SHANK2: variants seen among roughly 807,000 people sequenced by gnomAD.
SHANK2 encodes the protein SH3 and multiple ankyrin repeat domains 2, also known as SH3 and multiple ankyrin repeat domains protein 2.
SHANK2 carries 43 observed loss-of-function variants against 133.7 expected under a neutral mutation model. The observed-to-expected ratio is 0.32, with a 90% CI of 0.25 to 0.41. SHANK2 has a LOEUF of 0.41. Ranked by LOEUF, SHANK2 falls within the 10% of genes least tolerant of loss-of-function variation. The probability of loss-of-function intolerance (pLI) is 1.00; values close to 1 mark genes in which losing one functional copy is unlikely to be tolerated. For synonymous variants in SHANK2, 1,017 were observed against 952.8 expected (o/e 1.07, Z -1.24); for missense variants, 1,994 against 2,235.8 (o/e 0.89, Z 2.18).
At chr11:71,072,636 G>A (rs1288566525) in intron 9 of SHANK2, among the ~76,000 whole-genome samples, 4 of 152,146 alleles carry the variant, frequency 2.6e-5, no homozygotes, top group East Asian at 1.9e-4. Context: ...GGAAGCCACC[G>A]AGGGTCCCCT....
chr11:71,061,448 A>G (rs1950984977), intron 9 of SHANK2, among the ~76,000 whole-genome samples: 1 of 152,240 alleles, frequency 6.6e-6, no homozygotes. Flanking sequence ...CAGGGAGTGC[A>G]GGGTGATAAC....
intron 17 of SHANK2, among the ~76,000 whole-genome samples, chr11:70,542,288 C>T (rs974051282): frequency 2.6e-5 from 4 of 152,212 alleles, no homozygotes; most frequent in Admixed American, 1.3e-4. Flanking sequence ...AATCCAGTGA[C>T]GGGTGCCCTT....
chr11:70,627,172 G>A (rs1345392355), intron 17 of SHANK2, among the ~76,000 whole-genome samples: 5 of 152,292 alleles, frequency 3.3e-5, no homozygotes, highest in Admixed American at 6.5e-5. Context: ...CCAAAATTCC[G>A]ATTTTCCTCC....
At chr11:70,589,380 C>T (rs1004166298) in intron 17 of SHANK2, among the ~76,000 whole-genome samples, 2 of 152,196 alleles carry the variant, frequency 1.3e-5, no homozygotes, top group Non-Finnish European at 2.9e-5. Flanking sequence ...TACAGCATGG[C>T]TATTTACAGC....
intron 10 of SHANK2, among the ~76,000 whole-genome samples, chr11:70,952,986 C>T (rs910316661): frequency 2.6e-5 from 4 of 152,086 alleles, no homozygotes; most frequent in Admixed American, 2.6e-4. Context: ...AACCTCCTGG[C>T]AGCACCATCT....
At chr11:71,177,178 A>C (rs7941351) in intron 2 of SHANK2, among the ~76,000 whole-genome samples, 3 of 152,106 alleles carry the variant, frequency 2.0e-5, no homozygotes, top group African/African-American at 7.3e-5. Flanking sequence ...AAATGTTAAT[A>C]GAAATTCTTG....
chr11:70,539,535 C>T (rs572628489), intron 17 of SHANK2, among the ~76,000 whole-genome samples: 8 of 103,804 alleles, frequency 7.7e-5, no homozygotes, highest in African/African-American at 2.5e-4. Context: ...CACGCTCACT[C>T]GCCACGCTCA....
intron 14 of SHANK2, among the ~76,000 whole-genome samples, chr11:70,782,908 A>G (rs1947538446): frequency 6.6e-6 from 1 of 152,186 alleles, no homozygotes; most frequent in Admixed American, 6.5e-5. Flanking sequence ...TTACTCTTAC[A>G]GACTAAATGT....
In SHANK2 at chr11:70,867,116, T is replaced by TA. The variant is rs34341953; in HGVS notation, c.1174+29384dup. Among the ~76,000 whole-genome samples the TA allele has an allele frequency of 6.6e-3, 916 of 137,904 alleles. 10 individuals carry two copies. The highest frequency in any genetic ancestry group is 0.032 in the East Asian group (151 of 4,664). The allele number at this position is 137,904 out of a possible 152,430, so 90.5% of individuals were successfully genotyped here. On this transcript the variant is annotated intron_variant, in intron 11 of 25. Transcript: ENST00000601538. ...GGATTTGAATCCAATTCGGTGTATT[T>TA]AAAAAAAAAAAAAAAAAAGAGAGAG...
At chr11:70,879,595 A>G (rs782173839) in intron 11 of SHANK2, among the ~76,000 whole-genome samples, 2 of 152,224 alleles carry the variant, frequency 1.3e-5, no homozygotes, top group Non-Finnish European at 2.9e-5. Context: ...TTCAGCTCCA[A>G]TACCCAGGTG....
chr11:70,548,154 T>G (rs1207484459), intron 17 of SHANK2, among the ~76,000 whole-genome samples: 1 of 152,232 alleles, frequency 6.6e-6, no homozygotes, highest in African/African-American at 2.4e-5. Flanking sequence ...GTTGCCAGCA[T>G]CCGGGTGGGC....
rs868918678 is a variant in SHANK2, at chr11:70,830,323, G to A, written c.1175-9641C>T. Among the ~76,000 whole-genome samples, 1 of 152,184 alleles carries A rather than the reference G, an allele frequency of 6.6e-6. No homozygotes were observed. The highest frequency in any genetic ancestry group is 1.9e-4 in the East Asian group (1 of 5,190). On this transcript the variant is annotated intron_variant, in intron 11 of 25. Coordinates refer to ENST00000601538, the MANE Select transcript of SHANK2 (RefSeq NM_012309.5). The surrounding 1 kb of genome is among the most constrained non-coding windows in gnomAD (Gnocchi z 4.4). ...CCTGGCTGGGAGGGAAGTTCTGTGT[G>A]GACAAATGTTCCGTGTGAGTGTTTG...
At chr11:71,184,760 G>A (rs558448448) in intron 2 of SHANK2, among the ~76,000 whole-genome samples, 2 of 152,270 alleles carry the variant, frequency 1.3e-5, no homozygotes, top group South Asian at 2.1e-4. Context: ...AAGTCACGGC[G>A]GCTGATTGAA....
chr11:71,077,104 A>T (rs2135989831), intron 8 of SHANK2, among the ~76,000 whole-genome samples: 1 of 152,274 alleles, frequency 6.6e-6, no homozygotes, highest in East Asian at 1.9e-4. Flanking sequence ...AATTTCCGGG[A>T]CATAACAATG....
At chr11:70,930,776 T>A (rs1950492543) in intron 10 of SHANK2, among the ~76,000 whole-genome samples, 1 of 142,692 alleles carries the variant, frequency 7.0e-6, no homozygotes, top group South Asian at 2.4e-4. Flanking sequence ...GCTCAAGCAA[T>A]CCTCCTGCCT....
chr11:70,482,077 ATT>A (rs1219047632), intron 25 of SHANK2, among the ~76,000 whole-genome samples: 1 of 152,226 alleles, frequency 6.6e-6, no homozygotes, highest in Admixed American at 6.5e-5. Flanking sequence ...TGGTGAGGTT[ATT>A]AGATCCGAGA....
rs1565512245 is a variant in SHANK2, at chr11:70,468,466, T to A, written c.*4403A>T. 6.6e-6 allele frequency: 1 copy of A among 152,240 alleles called. No individual in the cohort carries two copies. Among genetic ancestry groups the A allele is most frequent in the East Asian group, 1.9e-4 (1 of 5,202 alleles). 9.4% of individuals were successfully genotyped at this position (152,240 alleles called of 1,614,324 possible). ...AGCTGCTGTGGTCACCCAGCCACTG[T>A]GGAATGTTCACCTACTTGCATGGGT... On this transcript the variant is annotated 3_prime_UTR_variant, in exon 26 of 26. Coordinates refer to ENST00000601538, the MANE Select transcript of SHANK2 (RefSeq NM_012309.5).
intron 17 of SHANK2, among the ~76,000 whole-genome samples, chr11:70,582,521 G>C (rs1341857996): frequency 6.6e-6 from 1 of 152,210 alleles, no homozygotes; most frequent in African/African-American, 2.4e-5. Flanking sequence ...ATAAGCTCAG[G>C]TCCATATCTG....
At chr11:70,874,793 C>T (rs146786491) in intron 11 of SHANK2, among the ~76,000 whole-genome samples, 2 of 151,654 alleles carry the variant, frequency 1.3e-5, no homozygotes, top group African/African-American at 2.4e-5. Flanking sequence ...TGAAGGAACA[C>T]GAGTTCACTT....
Sources: gnomAD v4.1 joint callset for allele counts (sites outside exome capture counted in the v4.1 genomes callset) on GRCh38, gnomAD v4.1.1 for gene constraint, Gnocchi (gnomAD v3.1) non-coding constraint, MANE v1.5 for transcripts, NCBI Gene and HGNC (gene_info 2026-07-23, HGNC 2026-07-21) for gene names.